PCDHGA5: variants seen among roughly 807,000 people sequenced by gnomAD.
The protein encoded by PCDHGA5 is protocadherin gamma subfamily A, 5, also known as protocadherin gamma-A5.
In PCDHGA5, 36 loss-of-function variants were observed where a neutral mutation model predicts 56.7. The ratio of observed to expected loss-of-function variants is 0.64; its 90% confidence interval spans 0.49 to 0.84. PCDHGA5 has a LOEUF of 0.84. Ranked by LOEUF, PCDHGA5 falls within the 40% of genes least tolerant of loss-of-function variation. PCDHGA5 has a pLI of 0.00. For missense variants in PCDHGA5, 1,305 were observed against 1,201.5 expected (o/e 1.09, Z -1.27); for synonymous variants, 563 against 520.2 (o/e 1.08, Z -1.12).
chr5:141,428,067 G>GC, intron 1 of PCDHGA5: 2 of 1,609,228 alleles, frequency 1.2e-6, no homozygotes, highest in Non-Finnish European at 1.7e-6. Context: ...GGTGGACGCA[G>GC]ATTCGGGACA....
chr5:141,382,945 C>A, intron 1 of PCDHGA5: 1 of 1,597,008 alleles, frequency 6.3e-7, no homozygotes, highest in Non-Finnish European at 8.6e-7. Flanking sequence ...ATTCTTCCTG[C>A]TCTCCATCCT....
At chr5:141,430,873 G>C (rs2097319709) in intron 1 of PCDHGA5, 1 of 1,598,842 alleles carries the variant, frequency 6.3e-7, no homozygotes, top group African/African-American at 1.3e-5. Flanking sequence ...TTCCGGAAGA[G>C]CTGGAGAAAG....
At chr5:141,395,053 A>G (rs1210765378) in intron 1 of PCDHGA5, 1 of 1,614,062 alleles carries the variant, frequency 6.2e-7, no homozygotes, top group African/African-American at 1.3e-5. Flanking sequence ...GAGGAGGTAC[A>G]GGCTTTCCTG....
At chr5:141,454,249 C>T (rs1215688507) in intron 1 of PCDHGA5, among the ~76,000 whole-genome samples, 3 of 152,192 alleles carry the variant, frequency 2.0e-5, no homozygotes, top group Non-Finnish European at 4.4e-5. Context: ...ATGAAGATGT[C>T]CCAGAGAAAG....
chr5:141,415,740 G>GTTTTTTTTTTT (rs57426385), intron 1 of PCDHGA5: 102 of 625,036 alleles, frequency 1.6e-4, no homozygotes, highest in Admixed American at 2.1e-4. Context: ...GTTTATTAAG[G>GTTTTTTTTTTT]TTTTTTTTTT....
At chr5:141,375,992 G>C in intron 1 of PCDHGA5, 5 of 1,613,446 alleles carry the variant, frequency 3.1e-6, no homozygotes, top group Non-Finnish European at 4.2e-6. Context: ...GGACAGAGAC[G>C]CGCTCAAGCA....
chr5:141,388,723 C>T, intron 1 of PCDHGA5: 1 of 1,614,018 alleles, frequency 6.2e-7, no homozygotes, highest in Non-Finnish European at 8.5e-7. Flanking sequence ...ATTACTTTCT[C>T]TTTCAGTGAA....
chr5:141,383,087 G>A, intron 1 of PCDHGA5: 2 of 1,613,912 alleles, frequency 1.2e-6, no homozygotes, highest in Non-Finnish European at 1.7e-6. Flanking sequence ...GCGGAGCGCG[G>A]AGTCCGCATC....
chr5:141,418,696 T>C, intron 1 of PCDHGA5: 1 of 1,614,034 alleles, frequency 6.2e-7, no homozygotes, highest in Non-Finnish European at 8.5e-7. Context: ...AGATCACTTA[T>C]TCCTTCTTTG....
intron 1 of PCDHGA5, chr5:141,391,629 T>C (rs1048656119): frequency 6.6e-6 from 1 of 152,234 alleles, no homozygotes; most frequent in African/African-American, 2.4e-5. Flanking sequence ...AAGAAAGTTT[T>C]AGTCAGTGAA....
At chr5:141,391,240 T>C (rs1388357484) in intron 1 of PCDHGA5, 1 of 152,150 alleles carries the variant, frequency 6.6e-6, no homozygotes, top group Non-Finnish European at 1.5e-5. Flanking sequence ...GCTAGGTATA[T>C]CTAAGCAACT....
chr5:141,375,842 C>T, intron 1 of PCDHGA5: 2 of 1,614,122 alleles, frequency 1.2e-6, no homozygotes, highest in East Asian at 4.5e-5. Flanking sequence ...GCCCGGCTAC[C>T]TGGTGACCAA....
intron 1 of PCDHGA5, chr5:141,478,342 G>T (rs1489278202): frequency 6.2e-7 from 1 of 1,613,862 alleles, no homozygotes; most frequent in Non-Finnish European, 8.5e-7. Flanking sequence ...GGCCCTCCTT[G>T]CACGCGGACG....
chr5:141,428,201 CT>C (rs1332694675), intron 1 of PCDHGA5: 1 of 1,349,696 alleles, frequency 7.4e-7, no homozygotes, highest in South Asian at 1.2e-5. Context: ...CTCTGCGCCG[CT>C]ACGCTTCACC....
At chr5:141,370,380 G>A in intron 1 of PCDHGA5, 5 of 1,532,358 alleles carry the variant, frequency 3.3e-6, no homozygotes, top group Non-Finnish European at 4.4e-6. Flanking sequence ...GAAAGGCAAA[G>A]GCGCAGAGAG....
chr5:141,378,005 T>G (rs1425146532), intron 1 of PCDHGA5: 7 of 152,232 alleles, frequency 4.6e-5, no homozygotes, highest in Admixed American at 4.6e-4. Flanking sequence ...TTGGCTCAAA[T>G]AAGCTCTACT....
intron 2 of PCDHGA5, among the ~76,000 whole-genome samples, chr5:141,501,032 C>A (rs1370625012): frequency 6.6e-6 from 1 of 151,976 alleles, no homozygotes; most frequent in Non-Finnish European, 1.5e-5. Context: ...CCACGCCCAG[C>A]TAATTTTTGT....
In PCDHGA5 at chr5:141,375,370, A is replaced by T. The variant is rs772477616; in HGVS notation, c.2421+8619A>T. ...CTGTGACAGCCACGGACAAAGGAAC[A>T]CCACCTCTGTCTACAGAAACAATCA... On this transcript the variant is annotated intron_variant, in intron 1 of 3. Transcript: ENST00000518069. The T allele has an allele frequency of 2.5e-6, 4 of 1,613,890 alleles. No individual in the cohort carries two copies. In the South Asian group the frequency reaches 4.4e-5, roughly 18 times the overall value.
chr5:141,450,608 T>C (rs916441293), intron 1 of PCDHGA5, among the ~76,000 whole-genome samples: 5 of 151,776 alleles, frequency 3.3e-5, no homozygotes, highest in Admixed American at 2.6e-4. Flanking sequence ...TGCCTCAGCC[T>C]CCTGAGTAGC....
Sources: gnomAD v4.1 joint callset for allele counts (sites outside exome capture counted in the v4.1 genomes callset) on GRCh38, gnomAD v4.1.1 for gene constraint, MANE v1.5 for transcripts, NCBI Gene and HGNC (gene_info 2026-07-23, HGNC 2026-07-21) for gene names.